FHIT: variants seen among roughly 807,000 people sequenced by gnomAD.
FHIT encodes fragile histidine triad diadenosine triphosphatase, also known as bis(5'-adenosyl)-triphosphatase.
Under a neutral mutation model 17.9 loss-of-function variants are expected in FHIT, and 19 were observed. The observed-to-expected ratio is 1.06, with a 90% CI of 0.74 to 1.56. The LOEUF (loss-of-function observed/expected upper bound fraction) is 1.56. Among genes scored for constraint, FHIT ranks in the 40% most tolerant of loss-of-function variants. The probability of loss-of-function intolerance (pLI) is 0.00; values close to 1 mark genes in which losing one functional copy is unlikely to be tolerated. For missense variants in FHIT, 248 were observed against 189.2 expected, an observed-to-expected ratio of 1.31 and a Z score of -1.82; for synonymous variants, 81 against 69.7, an observed-to-expected ratio of 1.16 and a Z score of -0.81.
chr3:61,194,158 T>C (rs562420781), intron 2 of FHIT, among the ~76,000 whole-genome samples: 1 of 152,128 alleles, frequency 6.6e-6, no homozygotes, highest in South Asian at 2.1e-4. Context: ...GGAATGAGGA[T>C]CTTCAAAGGA....
At chr3:60,904,863 C>T (rs886144267) in intron 3 of FHIT, among the ~76,000 whole-genome samples, 2 of 150,628 alleles carry the variant, frequency 1.3e-5, no homozygotes, top group East Asian at 4.0e-4. Flanking sequence ...TGCTTGAACC[C>T]GGGAGGCGGA....
intron 5 of FHIT, among the ~76,000 whole-genome samples, chr3:60,319,032 C>G (rs558509794): frequency 6.6e-6 from 1 of 152,120 alleles, no homozygotes; most frequent in Non-Finnish European, 1.5e-5. Flanking sequence ...CTGCCTTCCT[C>G]TTCTTACAAA....
chr3:60,487,394 T>C (rs1441452885), intron 5 of FHIT, among the ~76,000 whole-genome samples: 1 of 152,146 alleles, frequency 6.6e-6, no homozygotes, highest in Non-Finnish European at 1.5e-5. Context: ...CTGCTCAAAG[T>C]CAGAAACATC....
At chr3:61,235,867 C>T (rs1576275737) in intron 1 of FHIT, among the ~76,000 whole-genome samples, 1 of 152,068 alleles carries the variant, frequency 6.6e-6, no homozygotes, top group Non-Finnish European at 1.5e-5. Flanking sequence ...AATGTAACTA[C>T]CCCATTCACC....
chr3:59,894,152 G>C (rs982979023), intron 8 of FHIT, among the ~76,000 whole-genome samples: 7 of 152,234 alleles, frequency 4.6e-5, no homozygotes, highest in African/African-American at 1.7e-4. Flanking sequence ...GCTGTGGTAA[G>C]AGGATCACCT....
intron 8 of FHIT, among the ~76,000 whole-genome samples, chr3:59,822,044 A>T (rs1317238786): frequency 6.6e-6 from 1 of 152,144 alleles, no homozygotes; most frequent in Non-Finnish European, 1.5e-5. Context: ...CTGAGAACAT[A>T]CAATGTTTGG....
rs1409778055 is a variant in FHIT, at chr3:60,903,167, T to C, written c.-110-81156A>G. ...ATTATTATACACACAAAATAATTTG[T>C]ATATGAAAAGGAGATATTAAGTGAT... On this transcript the variant is annotated intron_variant, in intron 3 of 9. Transcript: ENST00000492590. Among the ~76,000 whole-genome samples the C allele has an allele frequency of 2.6e-5, 4 of 152,248 alleles. No individual in the cohort carries two copies. In the East Asian group the frequency reaches 7.7e-4, roughly 29 times the overall value.
chr3:60,373,541 C>T (rs1700424651), intron 5 of FHIT, among the ~76,000 whole-genome samples: 1 of 151,876 alleles, frequency 6.6e-6, no homozygotes, highest in Non-Finnish European at 1.5e-5. Flanking sequence ...AATGGGAAGC[C>T]AAGAAAGGTT....
intron 2 of FHIT, among the ~76,000 whole-genome samples, chr3:61,124,849 T>A (rs964555799): frequency 6.6e-6 from 1 of 152,194 alleles, no homozygotes; most frequent in African/African-American, 2.4e-5. Context: ...TTCTCTCCTC[T>A]TTTCAGGGCT....
chr3:59,833,613 C>A (rs976402555), intron 8 of FHIT, among the ~76,000 whole-genome samples: 2 of 152,038 alleles, frequency 1.3e-5, no homozygotes, highest in Non-Finnish European at 2.9e-5. Context: ...TTATGGTGGC[C>A]CTAGGAAACT....
intron 5 of FHIT, among the ~76,000 whole-genome samples, chr3:60,175,097 C>T (rs764456666): frequency 6.6e-5 from 10 of 152,158 alleles, no homozygotes; most frequent in African/African-American, 2.4e-4. Flanking sequence ...TCTTCTGTGA[C>T]GATGACACTA....
chr3:60,188,175 T>C (rs1037634772), intron 5 of FHIT, among the ~76,000 whole-genome samples: 6 of 151,528 alleles, frequency 4.0e-5, no homozygotes, highest in African/African-American at 1.5e-4. Flanking sequence ...CTAACAGGTG[T>C]CTATGAACTC....
intron 5 of FHIT, among the ~76,000 whole-genome samples, chr3:60,104,084 T>A (rs1704304414): frequency 6.6e-6 from 1 of 152,202 alleles, no homozygotes; most frequent in Admixed American, 6.5e-5. Flanking sequence ...GAAGGTAGAC[T>A]CTTTTTAAAC....
chr3:60,333,808 C>CA (rs1263960483), intron 5 of FHIT, among the ~76,000 whole-genome samples: 1 of 152,116 alleles, frequency 6.6e-6, no homozygotes, highest in African/African-American at 2.4e-5. Context: ...GTCAGGCCTC[C>CA]CAGATAGGAT....
In FHIT at chr3:61,062,207, T is replaced by C. The variant is rs138278142; in HGVS notation, c.-163-20108A>G. On this transcript the variant is annotated intron_variant, in intron 2 of 9. Transcript: ENST00000492590. ...TCCAAGTATAATATTTTTATTTATA[T>C]CCACAACAGGGTATCCCCCTGATTT... Among the ~76,000 whole-genome samples, 933 of 152,290 alleles carry C rather than the reference T, an allele frequency of 6.1e-3. 7 individuals are homozygous for C. Among genetic ancestry groups the C allele is most frequent in the African/African-American group, 0.021 (866 of 41,558 alleles).
chr3:59,824,998 G>T (rs1471969298), intron 8 of FHIT, among the ~76,000 whole-genome samples: 1 of 152,134 alleles, frequency 6.6e-6, no homozygotes, highest in African/African-American at 2.4e-5. Context: ...GGTTTTCAAA[G>T]GACTTTTGAA....
chr3:61,047,573 T>G (rs2033852849), intron 2 of FHIT, among the ~76,000 whole-genome samples: 1 of 152,130 alleles, frequency 6.6e-6, no homozygotes, highest in Non-Finnish European at 1.5e-5. Flanking sequence ...AATTTATAGA[T>G]TCAATGCCAT....
chr3:61,046,145 A>G (rs1225633584), intron 2 of FHIT, among the ~76,000 whole-genome samples: 2 of 152,244 alleles, frequency 1.3e-5, no homozygotes, highest in Non-Finnish European at 2.9e-5. Flanking sequence ...AGATCAGAGC[A>G]GAACTGAAGG....
At chr3:60,419,396 G>C (rs1399741612) in intron 5 of FHIT, among the ~76,000 whole-genome samples, 1 of 152,156 alleles carries the variant, frequency 6.6e-6, no homozygotes, top group Admixed American at 6.5e-5. Flanking sequence ...TTTGCCAAAT[G>C]TTAAACAAGG....
Sources: allele counts gnomAD v4.1 joint callset (sites outside exome capture counted in the v4.1 genomes callset), GRCh38; gene constraint gnomAD v4.1.1; transcripts MANE v1.5; gene names NCBI Gene and HGNC (gene_info 2026-07-23, HGNC 2026-07-21).